KCND2: variants seen among roughly 807,000 people sequenced by gnomAD.
KCND2 encodes A-type voltage-gated potassium channel KCND2.
Under a neutral mutation model 54.4 loss-of-function variants are expected in KCND2, and 16 were observed. That is an observed-to-expected ratio of 0.29 (90% CI 0.20 to 0.45). The LOEUF (loss-of-function observed/expected upper bound fraction) is 0.45. Ranked by LOEUF, KCND2 falls within the 20% of genes least tolerant of loss-of-function variation. The pLI is 1.00. For missense variants in KCND2, 486 were observed against 824.2 expected (o/e 0.59, Z 5.02); for synonymous variants, 317 against 310.7 (o/e 1.02, Z -0.21).
At chr7:120,491,027 A>G (rs555099161) in intron 1 of KCND2, among the ~76,000 whole-genome samples, 3 of 152,236 alleles carry the variant, frequency 2.0e-5, no homozygotes, top group South Asian at 2.1e-4. Flanking sequence ...AACTACTACC[A>G]TGCTTTCACG....
chr7:120,405,811 G>A (rs1052154525), intron 1 of KCND2, among the ~76,000 whole-genome samples: 1 of 151,792 alleles, frequency 6.6e-6, no homozygotes, highest in Admixed American at 6.6e-5. Context: ...TAGAATGAAG[G>A]TAGGAGTATT....
intron 1 of KCND2, among the ~76,000 whole-genome samples, chr7:120,280,316 T>C (rs920846050): frequency 5.3e-5 from 8 of 152,000 alleles, no homozygotes; most frequent in African/African-American, 1.9e-4. Flanking sequence ...TTAGAGACAA[T>C]ATTTGATGTG....
chr7:120,706,093 C>T lies in KCND2; in HGVS notation c.1116-26810C>T, dbSNP rs570033424. Among the ~76,000 whole-genome samples the T allele has an allele frequency of 3.3e-5, 5 of 152,144 alleles. No individual in the cohort carries two copies. In the East Asian group the frequency reaches 9.7e-4, roughly 29 times the overall value. On this transcript the variant is annotated intron_variant, in intron 1 of 5. Coordinates refer to ENST00000331113, the MANE Select transcript of KCND2 (RefSeq NM_012281.3). The stretch of plus-strand genomic sequence containing the variant: ...CTGTAGGAAGACCCTGGGATGAATA[C>T]ATAGGAGAGGATAGTACCCCGACAT...
intron 1 of KCND2, among the ~76,000 whole-genome samples, chr7:120,474,600 G>T (rs1175897330): frequency 1.3e-5 from 2 of 151,560 alleles, no homozygotes; most frequent in African/African-American, 2.4e-5. Flanking sequence ...CTGACCTCAG[G>T]TTATCCACCT....
chr7:120,404,117 T>C (rs2116088630), intron 1 of KCND2, among the ~76,000 whole-genome samples: 1 of 152,300 alleles, frequency 6.6e-6, no homozygotes, highest in South Asian at 2.1e-4. Flanking sequence ...AATAATGACA[T>C]TCTGTTTTAT....
At chr7:120,461,046 C>T (rs1285847148) in intron 1 of KCND2, among the ~76,000 whole-genome samples, 3 of 152,188 alleles carry the variant, frequency 2.0e-5, no homozygotes, top group Non-Finnish European at 4.4e-5. Context: ...TCCACTGTCA[C>T]CCTGTACCTT....
intron 1 of KCND2, among the ~76,000 whole-genome samples, chr7:120,573,539 C>T (rs1792391573): frequency 6.6e-6 from 1 of 152,160 alleles, no homozygotes; most frequent in Non-Finnish European, 1.5e-5. Context: ...AATCTCTATG[C>T]ACTAAAGTGG....
At chr7:120,465,896 G>C (rs917029560) in intron 1 of KCND2, among the ~76,000 whole-genome samples, 1 of 152,128 alleles carries the variant, frequency 6.6e-6, no homozygotes, top group Non-Finnish European at 1.5e-5. Context: ...TATGGGTGGA[G>C]ACTACTGTTT....
Position 120,582,350 on chromosome 7 carries a change from CT to C in KCND2, c.1116-150545del, listed in dbSNP as rs199518332. 2.0e-3 allele frequency among the ~76,000 whole-genome samples: 306 copies of C among 151,948 alleles called. 2 individuals are homozygous for C. The highest frequency in any genetic ancestry group is 0.015 in the East Asian group (79 of 5,158). On this transcript the variant is annotated intron_variant, in intron 1 of 5. Coordinates refer to ENST00000331113, the MANE Select transcript of KCND2 (RefSeq NM_012281.3). ...ACGTTCCCAATTAAGTTTTTCTCTC[CT>C]TTTTTTTGACCATTATATATACTCT...
chr7:120,358,934 A>G (rs888133201), intron 1 of KCND2, among the ~76,000 whole-genome samples: 1 of 152,308 alleles, frequency 6.6e-6, no homozygotes, highest in African/African-American at 2.4e-5. Context: ...CACAAAATGC[A>G]TACATTGTAA....
intron 1 of KCND2, among the ~76,000 whole-genome samples, chr7:120,409,465 T>C (rs905191730): frequency 1.3e-5 from 2 of 151,898 alleles, no homozygotes; most frequent in African/African-American, 4.8e-5. Context: ...TATAAGAAGG[T>C]GCCAAACCAC....
chr7:120,440,123 G>T (rs1801926808), intron 1 of KCND2, among the ~76,000 whole-genome samples: 1 of 151,956 alleles, frequency 6.6e-6, no homozygotes, highest in African/African-American at 2.4e-5. Context: ...AACAGTATAT[G>T]AGTTCCTATT....
intron 1 of KCND2, among the ~76,000 whole-genome samples, chr7:120,726,899 G>A (rs1584898002): frequency 6.6e-6 from 1 of 152,174 alleles, no homozygotes; most frequent in Admixed American, 6.5e-5. Flanking sequence ...AAGATAATGT[G>A]AGAGATTGAG....
intron 1 of KCND2, chr7:120,463,928 T>TAGAG (rs1037289103): frequency 3.4e-6 from 1 of 295,414 alleles, no homozygotes; most frequent in African/African-American, 2.3e-5. Context: ...GATAGATAGA[T>TAGAG]AGATAGATAG....
rs189183400 is a variant in KCND2, at chr7:120,452,124, A to G, written c.1115+176377A>G. On this transcript the variant is annotated intron_variant, in intron 1 of 5. Coordinates refer to ENST00000331113, the MANE Select transcript of KCND2 (RefSeq NM_012281.3). ...GAACATATGAGAATATAATGGAAAC[A>G]TAATTGAACTGCATAAAGTTTTAAA... Among the ~76,000 whole-genome samples, 1,198 of 152,352 alleles carry G rather than the reference A, an allele frequency of 7.9e-3. 11 individuals are homozygous for G. Among genetic ancestry groups the G allele is most frequent in the Middle Eastern group, 0.017 (5 of 294 alleles).
At chr7:120,578,426 C>T (rs1349733053) in intron 1 of KCND2, among the ~76,000 whole-genome samples, 1 of 152,130 alleles carries the variant, frequency 6.6e-6, no homozygotes, top group East Asian at 1.9e-4. Flanking sequence ...ACATTAAAAC[C>T]TATCACTTCT....
chr7:120,708,277 C>A (rs1315110918), intron 1 of KCND2, among the ~76,000 whole-genome samples: 1 of 152,062 alleles, frequency 6.6e-6, no homozygotes, highest in Non-Finnish European at 1.5e-5. Flanking sequence ...TATACTCAGA[C>A]CATAAATTAC....
chr7:120,297,926 T>G (rs956618775), intron 1 of KCND2, among the ~76,000 whole-genome samples: 1 of 152,198 alleles, frequency 6.6e-6, no homozygotes, highest in East Asian at 1.9e-4. Context: ...AGTAGAACTT[T>G]CTGTGATGAT....
chr7:120,363,574 A>G (rs181733455), intron 1 of KCND2, among the ~76,000 whole-genome samples: 1 of 152,114 alleles, frequency 6.6e-6, no homozygotes, highest in Non-Finnish European at 1.5e-5. Flanking sequence ...CTGGTCAGCT[A>G]TTTTGATCTC....
Sources: gnomAD v4.1 joint callset for allele counts (sites outside exome capture counted in the v4.1 genomes callset) on GRCh38, gnomAD v4.1.1 for gene constraint, MANE v1.5 for transcripts, NCBI Gene and HGNC (gene_info 2026-07-23, HGNC 2026-07-21) for gene names.